Variants in CRYBG1 observed in about 807,000 individuals in gnomAD.
The protein encoded by CRYBG1 is crystallin beta-gamma domain containing 1, also known as beta/gamma crystallin domain-containing protein 1.
Under a neutral mutation model 189.2 loss-of-function variants are expected in CRYBG1, and 139 were observed. That is an observed-to-expected ratio of 0.73 (90% CI 0.64 to 0.85). The LOEUF (loss-of-function observed/expected upper bound fraction) is 0.85. Ranked by LOEUF, CRYBG1 falls within the 40% of genes least tolerant of loss-of-function variation. CRYBG1 has a pLI of 0.00. For missense variants in CRYBG1, 2,611 were observed against 2,675.8 expected, an observed-to-expected ratio of 0.98 and a Z score of 0.53; for synonymous variants, 1,023 against 1,017.1, an observed-to-expected ratio of 1.01 and a Z score of -0.11.
intron 2 of CRYBG1, among the ~76,000 whole-genome samples, chr6:106,491,141 C>T (rs187579509): frequency 2.2e-4 from 33 of 152,278 alleles, no homozygotes; most frequent in African/African-American, 7.9e-4. Context: ...TGATGAAATA[C>T]TCACAAGTCG....
intron 2 of CRYBG1, among the ~76,000 whole-genome samples, chr6:106,495,819 T>TAAAAA (rs3040745): frequency 2.3e-5 from 3 of 128,466 alleles, no homozygotes; most frequent in East Asian, 2.2e-4. Context: ...TTTCCTTGAG[T>TAAAAA]AAAAAAAAAA....
intron 1 of CRYBG1, among the ~76,000 whole-genome samples, chr6:106,361,748 C>A (rs922692598): frequency 2.0e-5 from 3 of 152,040 alleles, no homozygotes; most frequent in Admixed American, 6.6e-5. Context: ...TATAATTATT[C>A]AACTATAGCA....
intron 8 of CRYBG1, among the ~76,000 whole-genome samples, chr6:106,535,303 A>G (rs752580331): frequency 6.6e-6 from 1 of 152,206 alleles, no homozygotes. Flanking sequence ...GGAATATACC[A>G]TATCAGAGCC....
intron 2 of CRYBG1, among the ~76,000 whole-genome samples, chr6:106,491,357 T>C (rs1162933581): frequency 6.6e-6 from 1 of 152,204 alleles, no homozygotes; most frequent in Non-Finnish European, 1.5e-5. Flanking sequence ...TAATGCCATT[T>C]ACAAACTGGA....
Position 106,527,362 on chromosome 6 carries a change from A to C in CRYBG1, c.4470A>C (p.Gly1490=). The C allele has an allele frequency of 1.2e-6, 2 of 1,613,510 alleles. No homozygotes were observed. The highest frequency in any genetic ancestry group is 2.2e-5 in the South Asian group (2 of 91,026). Residue 1490 remains glycine, a synonymous_variant, in exon 7 of 22, where the codon GGA becomes GGC. Coordinates refer to ENST00000633556, the MANE Select transcript of CRYBG1 (RefSeq NM_001371242.2). ...FEGHSIPLEE[G]ELELSGLWGI... Reference sequence around the variant, plus strand: ...GGCACTCCATCCCCTTAGAAGAAGGAGAATTGGAACTCTCTGGTCTCTGGG... The same window carrying C: ...GGCACTCCATCCCCTTAGAAGAAGGCGAATTGGAACTCTCTGGTCTCTGGG...
intron 1 of CRYBG1, among the ~76,000 whole-genome samples, chr6:106,397,543 C>T (rs1456590185): frequency 1.3e-5 from 2 of 152,194 alleles, no homozygotes; most frequent in East Asian, 3.8e-4. Flanking sequence ...TTCAGTGCTT[C>T]AGCATAATCT....
intron 1 of CRYBG1, among the ~76,000 whole-genome samples, chr6:106,410,552 T>A (rs536283160): frequency 6.6e-6 from 1 of 152,286 alleles, no homozygotes; most frequent in African/African-American, 2.4e-5. Flanking sequence ...ATAAATCATT[T>A]TACTATAAAG....
At chr6:106,561,072 TCA>T in intron 19 of CRYBG1, 146 bp downstream of exon 19, 1 of 1,012,228 alleles carries the variant, frequency 9.9e-7, no homozygotes, top group Non-Finnish European at 1.4e-6. Flanking sequence ...TAATCTGGGC[TCA>T]GTTTCTGGTG....
At chr6:106,465,666 C>T (rs1016692660) in intron 2 of CRYBG1, among the ~76,000 whole-genome samples, 6 of 152,168 alleles carry the variant, frequency 3.9e-5, no homozygotes, top group African/African-American at 1.4e-4. Context: ...GTTTTTCCAC[C>T]TCTAGTATCT....
chr6:106,369,683 G>T (rs1047545027), intron 1 of CRYBG1, among the ~76,000 whole-genome samples: 2 of 152,186 alleles, frequency 1.3e-5, no homozygotes, highest in African/African-American at 4.8e-5. Context: ...AATAACTTCA[G>T]ACCATGTCTG....
chr6:106,367,352 G>GC (rs1299488041), intron 1 of CRYBG1, among the ~76,000 whole-genome samples: 1 of 151,960 alleles, frequency 6.6e-6, no homozygotes, highest in Non-Finnish European at 1.5e-5. Flanking sequence ...ACTTTGGGAG[G>GC]CCAAAGTGGG....
intron 7 of CRYBG1, among the ~76,000 whole-genome samples, chr6:106,528,522 C>T (rs965964928): frequency 6.6e-6 from 1 of 152,098 alleles, no homozygotes; most frequent in Non-Finnish European, 1.5e-5. Flanking sequence ...AGGTACAATG[C>T]TGTTCCACCC....
intron 13 of CRYBG1, among the ~76,000 whole-genome samples, chr6:106,548,920 T>A (rs13194860): frequency 6.1e-5 from 7 of 114,398 alleles, no homozygotes; most frequent in South Asian, 6.2e-4. Flanking sequence ...CAGTCCCCGG[T>A]GTGTGATGTT....
chr6:106,400,832 G>T (rs1319814781), intron 1 of CRYBG1, among the ~76,000 whole-genome samples: 1 of 152,160 alleles, frequency 6.6e-6, no homozygotes, highest in Admixed American at 6.6e-5. Flanking sequence ...AAAGTCAGAG[G>T]TTTCACAAAA....
At chr6:106,563,709 A>T in intron 20 of CRYBG1, 55 bp from the exon 21 acceptor site, 1 of 1,536,228 alleles carries the variant, frequency 6.5e-7, no homozygotes, top group Non-Finnish European at 8.9e-7. Flanking sequence ...AATAATTGCT[A>T]TGAGACTTAC....
At chr6:106,539,616 C>A in intron 9 of CRYBG1, 87 bp downstream of exon 9, 1 of 1,465,426 alleles carries the variant, frequency 6.8e-7, no homozygotes, top group Non-Finnish European at 9.1e-7. Context: ...AGCAATAAAG[C>A]TGACTTTTAA....
At chr6:106,438,246 T>C (rs1400693250) in intron 1 of CRYBG1, among the ~76,000 whole-genome samples, 2 of 152,244 alleles carry the variant, frequency 1.3e-5, no homozygotes, top group African/African-American at 4.8e-5. Context: ...CAGAAATACC[T>C]GTTATTTCAT....
intron 1 of CRYBG1, among the ~76,000 whole-genome samples, chr6:106,423,887 T>C (rs1771178265): frequency 1.3e-5 from 2 of 151,890 alleles, no homozygotes; most frequent in Non-Finnish European, 2.9e-5. Flanking sequence ...GTATTTTTTG[T>C]AGAGACGGGG....
intron 2 of CRYBG1, among the ~76,000 whole-genome samples, chr6:106,454,649 T>C (rs1771848523): frequency 2.0e-5 from 3 of 152,256 alleles, no homozygotes; most frequent in Admixed American, 6.5e-5. Context: ...TGCTCACATT[T>C]TTAATTTGCA....
Sources: gnomAD v4.1 joint callset for allele counts (sites outside exome capture counted in the v4.1 genomes callset) on GRCh38, gnomAD v4.1.1 for gene constraint, MANE v1.5 for transcripts, NCBI Gene and HGNC (gene_info 2026-07-23, HGNC 2026-07-21) for gene names.